Variants in GRK3 observed in about 807,000 individuals in gnomAD.
The protein encoded by GRK3 is G protein-coupled receptor kinase 3.
A neutral mutation model predicts 95.7 loss-of-function variants in GRK3; 54 were observed. The observed-to-expected ratio is 0.56, with a 90% CI of 0.45 to 0.71. The LOEUF (loss-of-function observed/expected upper bound fraction) is 0.71, where lower values mean the gene tolerates loss of function less well. GRK3 is among the 30% of genes least tolerant of loss of function. The probability of loss-of-function intolerance (pLI) is 0.00; values close to 1 mark genes in which losing one functional copy is unlikely to be tolerated. For synonymous variants in GRK3, 281 were observed against 290.8 expected, an observed-to-expected ratio of 0.97 and a Z score of 0.34; for missense variants, 649 against 851.2, an observed-to-expected ratio of 0.76 and a Z score of 2.96.
intron 13 of GRK3, among the ~76,000 whole-genome samples, chr22:25,698,676 C>T (rs1300407777): frequency 3.9e-5 from 6 of 152,046 alleles, no homozygotes; most frequent in South Asian, 2.1e-4. Flanking sequence ...CTCCAGGCCC[C>T]GAGGCTGAAA....
intron 2 of GRK3, among the ~76,000 whole-genome samples, chr22:25,619,193 T>C (rs889428306): frequency 6.6e-6 from 1 of 152,164 alleles, no homozygotes; most frequent in Non-Finnish European, 1.5e-5. Flanking sequence ...AGGTTACCCA[T>C]AACAGCACAG....
intron 1 of GRK3, among the ~76,000 whole-genome samples, chr22:25,570,304 A>G (rs151305920): frequency 5.4e-4 from 82 of 152,292 alleles, no homozygotes; most frequent in African/African-American, 1.9e-3. Context: ...GTAATACACC[A>G]TCTCACCCCC....
chr22:25,601,170 G>A (rs796993612), intron 1 of GRK3, among the ~76,000 whole-genome samples: 9 of 152,280 alleles, frequency 5.9e-5, no homozygotes, highest in African/African-American at 2.2e-4. Flanking sequence ...TGACCCAGTT[G>A]GTGTTTATGA....
At chr22:25,657,123 TAACAC>T (rs2084877603) in intron 3 of GRK3, among the ~76,000 whole-genome samples, 10 of 152,222 alleles carry the variant, frequency 6.6e-5, no homozygotes, top group Admixed American at 5.9e-4. Context: ...GGGGCCAGAG[TAACAC>T]ATTTACATTT....
chr22:25,688,336 G>T (rs1218696851), intron 11 of GRK3, among the ~76,000 whole-genome samples: 1 of 151,962 alleles, frequency 6.6e-6, no homozygotes, highest in African/African-American at 2.4e-5. Context: ...AACTGATTTG[G>T]TCGTGGCTCT....
chr22:25,671,164 AC>A (rs2084979030), intron 6 of GRK3, among the ~76,000 whole-genome samples: 1 of 149,282 alleles, frequency 6.7e-6, no homozygotes, highest in Non-Finnish European at 1.5e-5. Context: ...CCACGGTGAA[AC>A]CCCCTCTCTA....
At chr22:25,661,754 T>G in intron 4 of GRK3, 77 bp downstream of exon 4, 1 of 934,744 alleles carries the variant, frequency 1.1e-6, no homozygotes, top group East Asian at 2.6e-5. Context: ...GAATGAAAGT[T>G]AAACAGTAGA....
At chr22:25,597,279 A>G (rs1601462122) in intron 1 of GRK3, among the ~76,000 whole-genome samples, 1 of 152,190 alleles carries the variant, frequency 6.6e-6, no homozygotes, top group African/African-American at 2.4e-5. Flanking sequence ...TCAGTGAAAG[A>G]TAGAAAGTTG....
intron 3 of GRK3, among the ~76,000 whole-genome samples, chr22:25,651,401 A>T (rs1274997273): frequency 6.6e-6 from 1 of 152,200 alleles, no homozygotes; most frequent in African/African-American, 2.4e-5. Flanking sequence ...GTTCAAATTC[A>T]AACCATTTTA....
intron 2 of GRK3, among the ~76,000 whole-genome samples, chr22:25,606,224 T>G (rs2084445292): frequency 6.6e-6 from 1 of 152,238 alleles, no homozygotes; most frequent in African/African-American, 2.4e-5. Flanking sequence ...AAACATTGTT[T>G]AAATAAATAA....
chr22:25,616,389 A>G (rs1165991498), intron 2 of GRK3, among the ~76,000 whole-genome samples: 4 of 149,984 alleles, frequency 2.7e-5, no homozygotes, highest in Non-Finnish European at 6.0e-5. Flanking sequence ...AGAGGGAGGG[A>G]GAGAGAGAGA....
chr22:25,628,234 C>T, intron 2 of GRK3, among the ~76,000 whole-genome samples: 1 of 152,182 alleles, frequency 6.6e-6, no homozygotes, highest in East Asian at 1.9e-4. Context: ...AATGGGCACT[C>T]CTATCCATTG....
At chr22:25,570,032 A>G (rs1255887627) in intron 1 of GRK3, among the ~76,000 whole-genome samples, 1 of 152,168 alleles carries the variant, frequency 6.6e-6, no homozygotes, top group African/African-American at 2.4e-5. Context: ...AACGAATACC[A>G]AACTCCCTCG....
intron 1 of GRK3, among the ~76,000 whole-genome samples, chr22:25,601,143 A>G (rs2084406852): frequency 6.6e-6 from 1 of 152,220 alleles, no homozygotes; most frequent in Non-Finnish European, 1.5e-5. Context: ...AAATCTAAGC[A>G]ACACTATCAA....
At chr22:25,693,774 CTTTTTTT>C (rs542086916) in intron 12 of GRK3, among the ~76,000 whole-genome samples, 16,350 of 112,806 alleles carry the variant, frequency 0.14, 2,439 homozygotes, top group African/African-American at 0.41. Flanking sequence ...GTTAAAAATT[CTTTTTTT>C]TTTTTTTTTT....
In GRK3 at chr22:25,667,714, G is replaced by A. The variant is rs748393245; in HGVS notation, c.442-25G>A. Reference sequence around the variant, plus strand: ...TGATACATTCCGATTCATTCACCGTGGAATTTCTTTTCCATCTCTTCCAGC... The same window carrying A: ...TGATACATTCCGATTCATTCACCGTAGAATTTCTTTTCCATCTCTTCCAGC... On this transcript the variant is annotated intron_variant, in intron 5 of 20. Transcript: ENST00000324198. The A allele has an allele frequency of 4.5e-6, 7 of 1,568,982 alleles. No homozygotes were observed. In the South Asian group the frequency reaches 7.9e-5, roughly 18 times the overall value.
intron 3 of GRK3, among the ~76,000 whole-genome samples, chr22:25,654,128 TAAA>T (rs1162024694): frequency 6.6e-6 from 1 of 152,216 alleles, no homozygotes; most frequent in Non-Finnish European, 1.5e-5. Flanking sequence ...ATAACAGAGT[TAAA>T]CTAAAGAATC....
intron 13 of GRK3, among the ~76,000 whole-genome samples, chr22:25,695,417 C>T (rs1029565761): frequency 3.3e-5 from 5 of 152,148 alleles, no homozygotes; most frequent in African/African-American, 7.2e-5. Flanking sequence ...CTTATGGCTT[C>T]GTATTTTTAT....
At chr22:25,663,790 C>G in intron 5 of GRK3, 86 bp downstream of exon 5, 1 of 892,644 alleles carries the variant, frequency 1.1e-6, no homozygotes, top group Admixed American at 2.0e-5. Flanking sequence ...TGCAATTACA[C>G]TAGAGGACTT....
Sources: gnomAD v4.1 joint callset for allele counts (sites outside exome capture counted in the v4.1 genomes callset) on GRCh38, gnomAD v4.1.1 for gene constraint, MANE v1.5 for transcripts, NCBI Gene and HGNC (gene_info 2026-07-23, HGNC 2026-07-21) for gene names.